EFCAB11: variants seen among roughly 807,000 people sequenced by gnomAD.
EFCAB11 encodes the protein EF-hand calcium binding domain 11, also known as EF-hand calcium-binding domain-containing protein 11.
In EFCAB11, 14 loss-of-function variants were observed where a neutral mutation model predicts 23.0. That is an observed-to-expected ratio of 0.61 (90% CI 0.40 to 0.95). The LOEUF (loss-of-function observed/expected upper bound fraction) is 0.95. Among genes scored for constraint, EFCAB11 ranks in the 40% least tolerant of loss-of-function variants. The pLI, the probability that EFCAB11 is intolerant of heterozygous loss-of-function variation, is 0.00. For synonymous variants in EFCAB11, 65 were observed against 66.6 expected, an observed-to-expected ratio of 0.98 and a Z score of 0.11; for missense variants, 198 against 195.8, an observed-to-expected ratio of 1.01 and a Z score of -0.07.
At chr14:89,933,666 GA>G (rs1304604992) in intron 3 of EFCAB11, among the ~76,000 whole-genome samples, 1 of 152,154 alleles carries the variant, frequency 6.6e-6, no homozygotes, top group Non-Finnish European at 1.5e-5. Flanking sequence ...TTAAGCTTTG[GA>G]AATAGAGGGG....
chr14:89,900,525 CA>C (rs1220244554), intron 5 of EFCAB11, among the ~76,000 whole-genome samples: 2 of 152,190 alleles, frequency 1.3e-5, no homozygotes, highest in Non-Finnish European at 2.9e-5. Context: ...CTGAAAAAGC[CA>C]TGAGGGCTGC....
At chr14:89,874,713 T>A (rs1335458378) in intron 5 of EFCAB11, among the ~76,000 whole-genome samples, 1 of 151,958 alleles carries the variant, frequency 6.6e-6, no homozygotes, top group African/African-American at 2.4e-5. Flanking sequence ...CTGGCTAACA[T>A]GGTGAAACCC....
At chr14:89,800,137 G>A in intron 5 of EFCAB11, among the ~76,000 whole-genome samples, 1 of 152,138 alleles carries the variant, frequency 6.6e-6, no homozygotes, top group East Asian at 1.9e-4. Flanking sequence ...AGTGAGCCAA[G>A]ATCGGGCCAC....
chr14:89,911,480 A>G (rs1889675599), intron 5 of EFCAB11, among the ~76,000 whole-genome samples: 1 of 152,236 alleles, frequency 6.6e-6, no homozygotes, highest in South Asian at 2.1e-4. Flanking sequence ...CTCCCTCCCA[A>G]CGTGCTCCGC....
intron 5 of EFCAB11, among the ~76,000 whole-genome samples, chr14:89,858,040 C>T (rs1254818529): frequency 6.6e-6 from 1 of 152,222 alleles, no homozygotes; most frequent in Non-Finnish European, 1.5e-5. Context: ...ATGGTACAGG[C>T]TGTGGCAGTT....
chr14:89,827,526 A>T (rs1886734055), intron 5 of EFCAB11, among the ~76,000 whole-genome samples: 1 of 151,922 alleles, frequency 6.6e-6, no homozygotes, highest in South Asian at 2.1e-4. Context: ...TGGCCCCACC[A>T]TGCAGAGTAT....
At chr14:89,896,515 T>C (rs940546673) in intron 5 of EFCAB11, among the ~76,000 whole-genome samples, 2 of 152,228 alleles carry the variant, frequency 1.3e-5, no homozygotes, top group Non-Finnish European at 2.9e-5. Context: ...TCCAGCACTA[T>C]CTAAGTAAAC....
intron 5 of EFCAB11, among the ~76,000 whole-genome samples, chr14:89,835,784 C>T (rs765516687): frequency 4.6e-5 from 7 of 152,000 alleles, no homozygotes; most frequent in Non-Finnish European, 7.4e-5. Context: ...TCCACCACCA[C>T]GCCCAGCTAA....
chr14:89,857,150 T>C (rs549843849), intron 5 of EFCAB11, among the ~76,000 whole-genome samples: 2 of 152,388 alleles, frequency 1.3e-5, no homozygotes, highest in East Asian at 1.9e-4. Flanking sequence ...CTGAGTGTTA[T>C]CTTTCTTACA....
At position 89,876,727 on chromosome 14, in the gene EFCAB11, G is replaced by A. The variant is rs922535097; in HGVS notation, c.410+54814C>T. ...TAAAGTTAAGTGAATTCCAATCCCC[G>A]TTTATGCATCTGCTCTCCCAGACTG... is the stretch of plus-strand genomic sequence containing the variant. On this transcript the variant is annotated intron_variant, in intron 5 of 5. Coordinates refer to ENST00000316738, the MANE Select transcript of EFCAB11 (RefSeq NM_145231.4). 4.6e-5 allele frequency among the ~76,000 whole-genome samples: 7 copies of A among 152,186 alleles called. No individual in the cohort carries two copies. The South Asian group carries it at 6.2e-4, about 14-fold the overall frequency.
At chr14:89,871,231 A>G (rs1888258784) in intron 5 of EFCAB11, among the ~76,000 whole-genome samples, 1 of 152,178 alleles carries the variant, frequency 6.6e-6, no homozygotes, top group South Asian at 2.1e-4. Flanking sequence ...TGCTTCCCTA[A>G]CAAGTATTAC....
At chr14:89,828,712 T>G (rs990465037) in intron 5 of EFCAB11, among the ~76,000 whole-genome samples, 16 of 152,194 alleles carry the variant, frequency 1.1e-4, no homozygotes, top group African/African-American at 3.9e-4. Context: ...ATTAAATAGC[T>G]TATGAAGCAG....
At chr14:89,801,978 TGC>T (rs1352045545) in intron 5 of EFCAB11, among the ~76,000 whole-genome samples, 2 of 137,660 alleles carry the variant, frequency 1.5e-5, no homozygotes, top group Non-Finnish European at 3.3e-5. Flanking sequence ...CAGGCGATAG[TGC>T]GAGACTCTGT....
chr14:89,853,345 C>G (rs1466958696), intron 5 of EFCAB11, among the ~76,000 whole-genome samples: 3 of 152,214 alleles, frequency 2.0e-5, no homozygotes, highest in African/African-American at 4.8e-5. Context: ...AAGAAAGCTT[C>G]CTCTACTATA....
chr14:89,945,155 A>G (rs1425427157), intron 3 of EFCAB11, among the ~76,000 whole-genome samples: 2 of 151,582 alleles, frequency 1.3e-5, no homozygotes, highest in Non-Finnish European at 2.9e-5. Flanking sequence ...ATTTTTATTG[A>G]TTACCTCAAC....
chr14:89,847,756 A>G (rs566163662), intron 5 of EFCAB11, among the ~76,000 whole-genome samples: 1,911 of 139,388 alleles, frequency 0.014, 49 homozygotes, highest in African/African-American at 0.048. Flanking sequence ...AAAAAAAAAA[A>G]AAAGAAAGAA....
At chr14:89,858,100 C>G (rs1317840855) in intron 5 of EFCAB11, among the ~76,000 whole-genome samples, 3 of 152,152 alleles carry the variant, frequency 2.0e-5, no homozygotes, top group Non-Finnish European at 2.9e-5. Context: ...AAGAGTAGAG[C>G]CTGACAGCCT....
At chr14:89,870,977 G>T (rs569107321) in intron 5 of EFCAB11, among the ~76,000 whole-genome samples, 3 of 152,012 alleles carry the variant, frequency 2.0e-5, no homozygotes, top group Admixed American at 2.0e-4. Context: ...CATAGCTCCC[G>T]CTGTGTTCCT....
At chr14:89,894,718 T>C (rs1385419876) in intron 5 of EFCAB11, among the ~76,000 whole-genome samples, 1 of 152,218 alleles carries the variant, frequency 6.6e-6, no homozygotes, top group Non-Finnish European at 1.5e-5. Context: ...AAATAATTAC[T>C]ATTTTCCACT....
Sources: gnomAD v4.1 joint callset for allele counts (sites outside exome capture counted in the v4.1 genomes callset) on GRCh38, gnomAD v4.1.1 for gene constraint, MANE v1.5 for transcripts, NCBI Gene and HGNC (gene_info 2026-07-23, HGNC 2026-07-21) for gene names.